The following CALD1 variants were observed in gnomAD, a reference collection of about 807,000 sequenced individuals.
CALD1 encodes caldesmon 1, also known as caldesmon.
In CALD1, 33 loss-of-function variants were observed where a neutral mutation model predicts 99.9. That is an observed-to-expected ratio of 0.33 (90% CI 0.25 to 0.44). The LOEUF is 0.44. CALD1 is among the 20% of genes least tolerant of loss of function. The probability of loss-of-function intolerance (pLI) is 1.00; values close to 1 mark genes in which losing one functional copy is unlikely to be tolerated. For missense variants in CALD1, 861 were observed against 962.1 expected (o/e 0.89, Z 1.39); for synonymous variants, 310 against 325.0 (o/e 0.95, Z 0.50).
chr7:134,913,171 C>T (rs1467487453), intron 3 of CALD1, among the ~76,000 whole-genome samples: 1 of 152,106 alleles, frequency 6.6e-6, no homozygotes, highest in African/African-American at 2.4e-5. Flanking sequence ...GAGGCTAAGG[C>T]AGGAGAATTG....
rs1797180514 is a variant in CALD1, at chr7:134,783,320, T to A, written c.-130+3571T>A. ...CTCCACCTGTAACCTCTTCCCCAGCTCCCCCATCCCTGTACCGGATAGGGA... is the reference window on the plus strand; with the variant it reads ...CTCCACCTGTAACCTCTTCCCCAGCACCCCCATCCCTGTACCGGATAGGGA... On this transcript the variant is annotated intron_variant, in intron 1 of 14. Coordinates refer to ENST00000361675, the MANE Select transcript of CALD1 (RefSeq NM_033138.4). The surrounding 1 kb of genome is among the most constrained non-coding windows in gnomAD (Gnocchi z 4.3). 1.3e-5 allele frequency among the ~76,000 whole-genome samples: 2 copies of A among 151,962 alleles called. No individual in the cohort carries two copies. Among genetic ancestry groups the A allele is most frequent in the African/African-American group, 4.8e-5 (2 of 41,360 alleles).
At chr7:134,826,265 A>C (rs1265676658) in intron 1 of CALD1, among the ~76,000 whole-genome samples, 1 of 152,110 alleles carries the variant, frequency 6.6e-6, no homozygotes, top group African/African-American at 2.4e-5. Flanking sequence ...CAGGCTTTTG[A>C]ATGTACTCAC....
At chr7:134,911,250 G>A (rs1158738080) in intron 3 of CALD1, among the ~76,000 whole-genome samples, 1 of 138,190 alleles carries the variant, frequency 7.2e-6, no homozygotes, top group East Asian at 2.1e-4. Context: ...TTCTGGAACT[G>A]ATGGTCAGAA....
the CALD1 span, among the ~76,000 whole-genome samples, chr7:134,739,042 A>G: frequency 6.6e-6 from 1 of 152,226 alleles, no homozygotes; most frequent in South Asian, 2.1e-4. Context: ...ACAGGCACTC[A>G]ATGCCTGCTG....
chr7:134,865,680 G>A (rs553692661), intron 2 of CALD1, among the ~76,000 whole-genome samples: 1 of 152,286 alleles, frequency 6.6e-6, no homozygotes, highest in Non-Finnish European at 1.5e-5. Flanking sequence ...CTGACCTCAC[G>A]ATGTTAGTTT....
chr7:134,915,509 C>T (rs1172823302), intron 3 of CALD1, among the ~76,000 whole-genome samples: 1 of 152,132 alleles, frequency 6.6e-6, no homozygotes, highest in Non-Finnish European at 1.5e-5. Context: ...GGTTAGTAAA[C>T]TAATCTAACC....
At chr7:134,732,592 CA>C in the CALD1 span, among the ~76,000 whole-genome samples, 100,401 of 151,900 alleles carry the variant, frequency 0.66, 33,704 homozygotes, top group East Asian at 0.89. Context: ...TCCCAGCCTC[CA>C]AAACTGTGAG....
intron 14 of CALD1, among the ~76,000 whole-genome samples, chr7:134,967,051 G>A (rs1399291675): frequency 2.0e-5 from 3 of 152,144 alleles, no homozygotes; most frequent in African/African-American, 7.2e-5. Flanking sequence ...GCAGATGTCA[G>A]CTGGCCATAG....
At chr7:134,808,205 A>G (rs536891652) in intron 1 of CALD1, among the ~76,000 whole-genome samples, 6 of 151,780 alleles carry the variant, frequency 4.0e-5, no homozygotes, top group African/African-American at 1.4e-4. Flanking sequence ...GGCTCAAGCA[A>G]TCCTCCCACC....
chr7:134,806,297 GT>G (rs1005994711), intron 1 of CALD1, among the ~76,000 whole-genome samples: 1 of 152,302 alleles, frequency 6.6e-6, no homozygotes, highest in African/African-American at 2.4e-5. Context: ...ACAAAAAGGG[GT>G]TTTTCTCCCC....
chr7:134,921,783 T>G (rs1281462175), intron 3 of CALD1, among the ~76,000 whole-genome samples: 2 of 152,040 alleles, frequency 1.3e-5, no homozygotes, highest in Non-Finnish European at 2.9e-5. Flanking sequence ...TGCACTCCAG[T>G]GAGATTCTGT....
At chr7:134,872,197 A>AG (rs1159230989) in intron 3 of CALD1, among the ~76,000 whole-genome samples, 12 of 152,144 alleles carry the variant, frequency 7.9e-5, no homozygotes, top group Admixed American at 3.3e-4. Flanking sequence ...TCTGTACTAA[A>AG]AATACAAAAA....
At chr7:134,881,803 G>A (rs1384539392) in intron 3 of CALD1, among the ~76,000 whole-genome samples, 3 of 152,144 alleles carry the variant, frequency 2.0e-5, no homozygotes, top group African/African-American at 7.2e-5. Context: ...CCTCTGGAGA[G>A]GGCTTAGGAC....
intron 3 of CALD1, among the ~76,000 whole-genome samples, chr7:134,899,207 C>CTT (rs981812367): frequency 2.9e-5 from 4 of 137,994 alleles, no homozygotes; most frequent in Admixed American, 7.2e-5. Flanking sequence ...CTTTCTTTTT[C>CTT]TTTTTTTTTT....
intron 1 of CALD1, among the ~76,000 whole-genome samples, chr7:134,773,937 G>A (rs1796897498): frequency 6.6e-6 from 1 of 152,068 alleles, no homozygotes; most frequent in South Asian, 2.1e-4. Context: ...TTGGGATACC[G>A]AGGCAGGCGG....
At chr7:134,759,588 G>A (rs540283254) in intron 1 of CALD1, among the ~76,000 whole-genome samples, 1 of 152,348 alleles carries the variant, frequency 6.6e-6, no homozygotes, top group South Asian at 2.1e-4. Context: ...GCGCATGTGT[G>A]TGCAGGGGTG....
At chr7:134,949,711 A>G (rs1807183680) in intron 8 of CALD1, among the ~76,000 whole-genome samples, 1 of 152,178 alleles carries the variant, frequency 6.6e-6, no homozygotes, top group Non-Finnish European at 1.5e-5. Context: ...TCCCTTTTAC[A>G]TATACAGAAG....
chr7:134,894,465 C>A (rs147855230), intron 3 of CALD1, among the ~76,000 whole-genome samples: 30 of 152,300 alleles, frequency 2.0e-4, no homozygotes, highest in African/African-American at 6.7e-4. Context: ...CCTTAGTTTA[C>A]CTTTTTCATT....
the CALD1 span, among the ~76,000 whole-genome samples, chr7:134,729,745 G>A: frequency 1.3e-5 from 2 of 152,378 alleles, no homozygotes; most frequent in South Asian, 4.1e-4. Context: ...CAAGAAGAAA[G>A]GCAGAGGACA....
Sources: allele counts gnomAD v4.1 joint callset (sites outside exome capture counted in the v4.1 genomes callset), GRCh38; gene constraint gnomAD v4.1.1; non-coding constraint Gnocchi (gnomAD v3.1); transcripts MANE v1.5; gene names NCBI Gene and HGNC (gene_info 2026-07-23, HGNC 2026-07-21).